Variants in ABHD6 observed in about 807,000 individuals in gnomAD.
ABHD6 encodes abhydrolase domain containing 6, acylglycerol lipase.
In ABHD6, 33 loss-of-function variants were observed where a neutral mutation model predicts 38.8. That is an observed-to-expected ratio of 0.85 (90% CI 0.64 to 1.14). The LOEUF (loss-of-function observed/expected upper bound fraction) is 1.14. Among genes scored for constraint, ABHD6 ranks in the 50% most tolerant of loss-of-function variants. ABHD6 has a pLI of 0.00. For missense variants in ABHD6, 380 were observed against 422.6 expected (o/e 0.90, Z 0.88); for synonymous variants, 147 against 161.6 (o/e 0.91, Z 0.69).
Position 58,256,093 on chromosome 3 carries a change from A to G in ABHD6, c.-25-469A>G, listed in dbSNP as rs919643776. On this transcript the variant is annotated intron_variant, in intron 2 of 9. Coordinates refer to ENST00000478253, the MANE Select transcript of ABHD6 (RefSeq NM_001320126.2). The surrounding 1 kb of genome is among the most constrained non-coding windows in gnomAD (Gnocchi z 4.3). ...CTCCCACCAACACACACACACACAC[A>G]CACACACACACACACATACACACAC... Among the ~76,000 whole-genome samples the G allele has an allele frequency of 1.2e-5, 1 of 86,358 alleles. No homozygotes were observed. The highest frequency in any genetic ancestry group is 2.1e-5 in the Non-Finnish European group (1 of 48,010). The allele number at this position is 86,358 out of a possible 152,430, so 56.7% of individuals were successfully genotyped here.
rs2097435533 is a variant in ABHD6, at chr3:58,259,470, A to G, written c.119+2765A>G. On this transcript the variant is annotated intron_variant, in intron 3 of 9. Coordinates refer to ENST00000478253, the MANE Select transcript of ABHD6 (RefSeq NM_001320126.2). The surrounding 1 kb of genome is among the most constrained non-coding windows in gnomAD (Gnocchi z 4.7). ...TAAGGCAGGAGGATCACTTGAGGCC[A>G]GGAGTTCGAGACCAGCCTGGCCAAC... Among the ~76,000 whole-genome samples, 1 of 152,180 alleles carries G rather than the reference A, an allele frequency of 6.6e-6. No homozygotes were observed. Among genetic ancestry groups the G allele is most frequent in the African/African-American group, 2.4e-5 (1 of 41,440 alleles).
chr3:58,267,099 A>G lies in ABHD6; in HGVS notation c.120-90A>G. On this transcript the variant is annotated intron_variant, in intron 3 of 9. Coordinates refer to ENST00000478253, the MANE Select transcript of ABHD6 (RefSeq NM_001320126.2). This position sits in a 1 kb window ranked among gnomAD's most constrained non-coding sequence, Gnocchi z 4.3. ...AGAAGTGTTTGTGTTATCACTAAGG[A>G]AGACTTATAGAGAGGACCTGTGCCC... 1 of 1,369,560 alleles carries G rather than the reference A, an allele frequency of 7.3e-7. No individual in the cohort carries two copies. The highest frequency in any genetic ancestry group is 2.3e-5 in the East Asian group (1 of 43,368). The allele number at this position is 1,369,560 out of a possible 1,614,324, so 84.8% of individuals were successfully genotyped here.
intron 7 of ABHD6, among the ~76,000 whole-genome samples, chr3:58,279,621 G>C (rs1034642853): frequency 5.3e-5 from 8 of 152,150 alleles, no homozygotes; most frequent in African/African-American, 1.9e-4. Context: ...GTGTGAATTT[G>C]ATCCTGTCAT....
At chr3:58,243,974 A>G (rs543400999) in intron 1 of ABHD6, among the ~76,000 whole-genome samples, 2 of 152,298 alleles carry the variant, frequency 1.3e-5, no homozygotes, top group East Asian at 1.9e-4. Flanking sequence ...AGAAGTTTTC[A>G]TAACAGGAAA....
intron 1 of ABHD6, among the ~76,000 whole-genome samples, chr3:58,240,287 C>G (rs1166813328): frequency 6.6e-6 from 1 of 151,894 alleles, no homozygotes; most frequent in Non-Finnish European, 1.5e-5. Flanking sequence ...GTTTCCTACT[C>G]AGGCTGACCT....
At chr3:58,246,671 G>A (rs1401812354) in intron 1 of ABHD6, among the ~76,000 whole-genome samples, 1 of 152,144 alleles carries the variant, frequency 6.6e-6, no homozygotes, top group Non-Finnish European at 1.5e-5. Context: ...AGGAGAGAGT[G>A]AACCATCTAA....
chr3:58,285,451 C>G lies in ABHD6; in HGVS notation c.835C>G (p.Gln279Glu). The part of the protein sequence containing the change: ...PTQIIWGKQD[Q>E]VLDVSGADML... ...GCAGATCATCTGGGGGAAACAAGAC[C>G]AGGTATGTAACACATCCCCGCGGCA... is the stretch of plus-strand genomic sequence containing the variant. Residue 279 changes from glutamine (Q) to glutamate (E), a missense_variant and splice_region_variant, in exon 9 of 10, where the codon CAG (glutamine) becomes GAG (glutamate). Coordinates refer to ENST00000478253, the MANE Select transcript of ABHD6 (RefSeq NM_001320126.2). The surrounding 1 kb of genome is among the most constrained non-coding windows in gnomAD (Gnocchi z 4.9). The G allele has an allele frequency of 6.2e-7, 1 of 1,613,576 alleles. No individual in the cohort carries two copies. The highest frequency in any genetic ancestry group is 8.5e-7 in the Non-Finnish European group (1 of 1,179,508).
At chr3:58,281,034 G>T (rs2097452799) in intron 7 of ABHD6, among the ~76,000 whole-genome samples, 1 of 152,208 alleles carries the variant, frequency 6.6e-6, no homozygotes, top group African/African-American at 2.4e-5. Context: ...GTGTCTCCCA[G>T]TTAGGCTACA....
intron 7 of ABHD6, among the ~76,000 whole-genome samples, chr3:58,279,907 G>T (rs2097451786): frequency 6.6e-6 from 1 of 152,188 alleles, no homozygotes; most frequent in South Asian, 2.1e-4. Context: ...TAAGAATGTT[G>T]AATATTAGCC....
rs560126387 is a variant in ABHD6 at position 58,282,587 on chromosome 3, T to C, written c.682-2498T>C. On this transcript the variant is annotated intron_variant, in intron 7 of 9. Coordinates refer to ENST00000478253, the MANE Select transcript of ABHD6 (RefSeq NM_001320126.2). ...TCTCTACAAAAAAAAATTTTTTTAA[T>C]TAGCCAAGTGTGGTGGTGCGTGCCT... is the stretch of plus-strand genomic sequence containing the variant. Among the ~76,000 whole-genome samples the C allele has an allele frequency of 2.2e-4, 33 of 152,070 alleles. 1 individual carries two copies. Among genetic ancestry groups the C allele is most frequent in the Admixed American group, 1.4e-3 (22 of 15,254 alleles).
chr3:58,280,238 G>C (rs1211160352), intron 7 of ABHD6, among the ~76,000 whole-genome samples: 1 of 152,176 alleles, frequency 6.6e-6, no homozygotes, highest in Non-Finnish European at 1.5e-5. Context: ...GTCAAACATA[G>C]ATTTGGTATT....
chr3:58,244,772 A>G (rs1359197999), intron 1 of ABHD6, among the ~76,000 whole-genome samples: 1 of 152,132 alleles, frequency 6.6e-6, no homozygotes, highest in Non-Finnish European at 1.5e-5. Context: ...AAAAAAGCAA[A>G]AAAAAGCACA....
chr3:58,272,728 C>T lies in ABHD6; in HGVS notation c.523+1664C>T, dbSNP rs568837201. The stretch of plus-strand genomic sequence containing the variant: ...TTTGCTCAGAGAAAAAATTGACATC[C>T]GAATTTCAACTGGAAATTTAAAATT... On this transcript the variant is annotated intron_variant, in intron 6 of 9. Transcript: ENST00000478253. 3.6e-4 allele frequency among the ~76,000 whole-genome samples: 54 copies of T among 151,910 alleles called. 1 individual carries two copies. Among genetic ancestry groups the T allele is most frequent in the South Asian group, 1.9e-3 (9 of 4,798 alleles).
At chr3:58,291,995 T>G (rs2097463433) in intron 9 of ABHD6, among the ~76,000 whole-genome samples, 1 of 152,196 alleles carries the variant, frequency 6.6e-6, no homozygotes, top group African/African-American at 2.4e-5. Context: ...CACTTTTTCA[T>G]GCTGTTTTCA....
At position 58,251,879 on chromosome 3, in the gene ABHD6, G is replaced by A. The variant is rs540729126; in HGVS notation, c.-26+1937G>A. 1.3e-4 allele frequency among the ~76,000 whole-genome samples: 20 copies of A among 152,198 alleles called. No individual in the cohort carries two copies. Among genetic ancestry groups the A allele is most frequent in the Non-Finnish European group, 2.6e-4 (18 of 68,028 alleles). Reference sequence around the variant, plus strand: ...AAGCACCAAGTCTTTGCCAGGTGATGTTTTAGGTTCTGGGAACTCTATTAG... The same window carrying A: ...AAGCACCAAGTCTTTGCCAGGTGATATTTTAGGTTCTGGGAACTCTATTAG... On this transcript the variant is annotated intron_variant, in intron 2 of 9. Transcript: ENST00000478253. This position sits in a 1 kb window ranked among gnomAD's most constrained non-coding sequence, Gnocchi z 5.4.
At chr3:58,250,359 G>A (rs1001112326) in intron 2 of ABHD6, among the ~76,000 whole-genome samples, 1 of 152,146 alleles carries the variant, frequency 6.6e-6, no homozygotes, top group African/African-American at 2.4e-5. Context: ...TGGGGCTCGC[G>A]AGCTGGTTAT....
rs1482002935 is a variant in ABHD6, at chr3:58,259,629, C to T, written c.119+2924C>T. ...CCAGGAAGCGGAGGTTGCAGTGAGC[C>T]GAGATCGTGCCACTACACTTCAGCC... On this transcript the variant is annotated intron_variant, in intron 3 of 9. Transcript: ENST00000478253. The surrounding 1 kb of genome is among the most constrained non-coding windows in gnomAD (Gnocchi z 4.7). Among the ~76,000 whole-genome samples the T allele has an allele frequency of 2.6e-5, 4 of 151,962 alleles. No individual in the cohort carries two copies. Among genetic ancestry groups the T allele is most frequent in the Non-Finnish European group, 4.4e-5 (3 of 67,980 alleles).
At chr3:58,243,827 A>T (rs951437387) in intron 1 of ABHD6, among the ~76,000 whole-genome samples, 2 of 151,794 alleles carry the variant, frequency 1.3e-5, no homozygotes, top group Non-Finnish European at 2.9e-5. Context: ...CGCCTGCCTA[A>T]TTTTTTTGTG....
Position 58,257,342 on chromosome 3 carries a change from T to G in ABHD6, c.119+637T>G, listed in dbSNP as rs1474397634. ...TCATTGGTTGTTTTTGTTTGTTTGT[T>G]GGTTGGTTGGTTTTTTGGGTTTTTG... On this transcript the variant is annotated intron_variant, in intron 3 of 9. Coordinates refer to ENST00000478253, the MANE Select transcript of ABHD6 (RefSeq NM_001320126.2). The surrounding 1 kb of genome is among the most constrained non-coding windows in gnomAD (Gnocchi z 4.8). 6.6e-6 allele frequency among the ~76,000 whole-genome samples: 1 copy of G among 151,074 alleles called. No individual in the cohort carries two copies. Among genetic ancestry groups the G allele is most frequent in the Non-Finnish European group, 1.5e-5 (1 of 67,928 alleles).
Sources: allele counts gnomAD v4.1 joint callset (sites outside exome capture counted in the v4.1 genomes callset), GRCh38; gene constraint gnomAD v4.1.1; non-coding constraint Gnocchi (gnomAD v3.1); transcripts MANE v1.5; gene names NCBI Gene and HGNC (gene_info 2026-07-23, HGNC 2026-07-21).